RIMS1: variants seen among roughly 807,000 people sequenced by gnomAD.
RIMS1 encodes the protein regulating synaptic membrane exocytosis 1.
In RIMS1, 83 loss-of-function variants were observed where a neutral mutation model predicts 214.1. The ratio of observed to expected loss-of-function variants is 0.39; its 90% confidence interval spans 0.32 to 0.47. RIMS1 has a LOEUF of 0.47. Ranked by LOEUF, RIMS1 falls within the 20% of genes least tolerant of loss-of-function variation. The pLI, the probability that RIMS1 is intolerant of heterozygous loss-of-function variation, is 0.99. For synonymous variants in RIMS1, 793 were observed against 786.8 expected (o/e 1.01, Z -0.13); for missense variants, 2,050 against 2,161.8 (o/e 0.95, Z 1.03).
chr6:72,187,294 A>G (rs183835834), intron 6 of RIMS1, among the ~76,000 whole-genome samples: 4 of 152,272 alleles, frequency 2.6e-5, no homozygotes, highest in African/African-American at 9.6e-5. Context: ...TCACCTTCCA[A>G]TGACTTCTCT....
At chr6:72,166,142 A>G (rs1234187268) in intron 4 of RIMS1, among the ~76,000 whole-genome samples, 1 of 152,106 alleles carries the variant, frequency 6.6e-6, no homozygotes, top group Non-Finnish European at 1.5e-5. Context: ...CTACCTTCTC[A>G]CCCTGTCCTC....
intron 1 of RIMS1, among the ~76,000 whole-genome samples, chr6:71,959,397 T>C (rs1453114569): frequency 6.6e-6 from 1 of 152,130 alleles, no homozygotes; most frequent in African/African-American, 2.4e-5. Context: ...TATTCAGCTA[T>C]TGGGCTCCCA....
intron 2 of RIMS1, among the ~76,000 whole-genome samples, chr6:72,088,956 G>A (rs1835425657): frequency 6.6e-6 from 1 of 151,544 alleles, no homozygotes; most frequent in Non-Finnish European, 1.5e-5. Flanking sequence ...GGAAAGGAGG[G>A]GAAGAGAGGG....
intron 1 of RIMS1, among the ~76,000 whole-genome samples, chr6:71,962,366 T>C (rs1793209742): frequency 6.6e-6 from 1 of 152,174 alleles, no homozygotes; most frequent in African/African-American, 2.4e-5. Context: ...ACATTTCTCA[T>C]CACTCACTGT....
At chr6:72,135,548 G>A (rs895187740) in intron 4 of RIMS1, among the ~76,000 whole-genome samples, 1 of 152,056 alleles carries the variant, frequency 6.6e-6, no homozygotes, top group Non-Finnish European at 1.5e-5. Flanking sequence ...AATGGGCATC[G>A]GTGTCTGAGA....
intron 16 of RIMS1, among the ~76,000 whole-genome samples, chr6:72,256,684 C>T (rs1252315735): frequency 2.5e-5 from 2 of 80,752 alleles, no homozygotes. Context: ...TATAAATAGT[C>T]ACCCTTTTTT....
intron 22 of RIMS1, among the ~76,000 whole-genome samples, chr6:72,268,664 T>C (rs1004442935): frequency 2.0e-5 from 3 of 152,196 alleles, no homozygotes; most frequent in Non-Finnish European, 4.4e-5. Flanking sequence ...GTTTCTCCCT[T>C]GTTACATAGT....
intron 2 of RIMS1, among the ~76,000 whole-genome samples, chr6:72,096,623 G>A (rs1388746063): frequency 1.3e-5 from 2 of 152,130 alleles, no homozygotes; most frequent in African/African-American, 4.8e-5. Flanking sequence ...GTAAAGTGTT[G>A]AGCTCTCAGT....
chr6:72,003,523 A>G (rs987637055), intron 2 of RIMS1, among the ~76,000 whole-genome samples: 2 of 151,962 alleles, frequency 1.3e-5, no homozygotes, highest in African/African-American at 4.8e-5. Flanking sequence ...CAGCTTACTC[A>G]AGTTAACAGA....
intron 2 of RIMS1, among the ~76,000 whole-genome samples, chr6:72,054,397 G>A (rs1825580760): frequency 6.6e-6 from 1 of 152,148 alleles, no homozygotes; most frequent in Admixed American, 6.5e-5. Context: ...ATGTGTGCAT[G>A]TGTCTTTATA....
At chr6:72,213,575 GT>G (rs376244631) in intron 6 of RIMS1, among the ~76,000 whole-genome samples, 5 of 150,894 alleles carry the variant, frequency 3.3e-5, no homozygotes, top group South Asian at 4.2e-4. Context: ...TTGTGCATGG[GT>G]TTTTTTTTCT....
rs145877390 is a variant in RIMS1 at position 71,932,296 on chromosome 6, A to T, written c.165-36687A>T. On this transcript the variant is annotated intron_variant, in intron 1 of 33. Transcript: ENST00000521978. ...TAACCACGGAATACCATGCAGCCAT[A>T]AAAAAGAATGAGATTGTGTTATTTG... 7.0e-4 allele frequency among the ~76,000 whole-genome samples: 106 copies of T among 152,314 alleles called. 2 individuals are homozygous for T. In the East Asian group the frequency reaches 0.017, roughly 24 times the overall value.
intron 29 of RIMS1, among the ~76,000 whole-genome samples, chr6:72,359,476 CT>C (rs949683489): frequency 7.2e-4 from 106 of 146,860 alleles, no homozygotes; most frequent in African/African-American, 2.0e-3. Context: ...AAGCAATTTG[CT>C]TTTTTTTTTT....
rs937291110 is a variant in RIMS1, at chr6:72,179,614, A to G, written c.511A>G (p.Ile171Val). The G allele has an allele frequency of 1.2e-6, 2 of 1,613,984 alleles. No individual in the cohort carries two copies. The highest frequency in any genetic ancestry group is 3.3e-5 in the Admixed American group (2 of 60,020). Residue 171 changes from isoleucine to valine, a missense_variant, in exon 5 of 34, where the codon ATC (isoleucine) becomes GTC (valine). This residue lies in a region of RIMS1 where 882 missense variants were observed against 828.9 expected (regional missense o/e 1.06). Coordinates refer to ENST00000521978, the MANE Select transcript of RIMS1 (RefSeq NM_014989.7). ...CAATTTATGTCGAAAGCAACAAGAA[A>G]TCTTAACCAAATCTGGGGCATGGTT... is the stretch of plus-strand genomic sequence containing the variant. Reference protein sequence around the residue: ...VCNLCRKQQEILTKSGAWFFG... With the variant: ...VCNLCRKQQEVLTKSGAWFFG...
intron 4 of RIMS1, among the ~76,000 whole-genome samples, chr6:72,127,399 A>C (rs927526398): frequency 3.3e-5 from 5 of 152,180 alleles, no homozygotes; most frequent in African/African-American, 1.2e-4. Flanking sequence ...AAAACTGTGC[A>C]GTGTACATAA....
chr6:72,081,862 A>G (rs1184758306), intron 2 of RIMS1, among the ~76,000 whole-genome samples: 2 of 152,206 alleles, frequency 1.3e-5, no homozygotes, highest in Non-Finnish European at 2.9e-5. Context: ...TTTAGATGAT[A>G]GTTAGGTTTT....
At chr6:72,183,324 A>G (rs2048614910) in intron 6 of RIMS1, among the ~76,000 whole-genome samples, 175 bp downstream of exon 6, 1 of 152,196 alleles carries the variant, frequency 6.6e-6, no homozygotes, top group Non-Finnish European at 1.5e-5. Flanking sequence ...TTATTGATTG[A>G]TTTGTGGGAT....
chr6:71,920,007 C>T (rs59539532), intron 1 of RIMS1, among the ~76,000 whole-genome samples: 16,668 of 152,136 alleles, frequency 0.11, 1,178 homozygotes, highest in East Asian at 0.23. Flanking sequence ...GGGGAAGAAA[C>T]AGACAATAAA....
intron 27 of RIMS1, among the ~76,000 whole-genome samples, chr6:72,311,798 C>T (rs2095525481): frequency 6.6e-6 from 1 of 152,094 alleles, no homozygotes; most frequent in Non-Finnish European, 1.5e-5. Flanking sequence ...CGGTGAAACC[C>T]CGTCTCTACT....
Sources: allele counts gnomAD v4.1 joint callset (sites outside exome capture counted in the v4.1 genomes callset), GRCh38; gene constraint gnomAD v4.1.1; regional missense constraint gnomAD v4.1.1; transcripts MANE v1.5; gene names NCBI Gene and HGNC (gene_info 2026-07-23, HGNC 2026-07-21).